The following COL4A1 variants were observed in gnomAD, a reference collection of about 807,000 sequenced individuals.
COL4A1 encodes the protein collagen type IV alpha 1 chain, also known as collagen alpha-1(IV) chain.
A neutral mutation model predicts 216.6 loss-of-function variants in COL4A1; 40 were observed. That is an observed-to-expected ratio of 0.18 (90% CI 0.14 to 0.24). The LOEUF (loss-of-function observed/expected upper bound fraction) is 0.24, where lower values mean the gene tolerates loss of function less well. Ranked by LOEUF, COL4A1 falls within the 10% of genes least tolerant of loss-of-function variation. The pLI is 1.00. For synonymous variants in COL4A1, 839 were observed against 810.7 expected (o/e 1.03, Z -0.59); for missense variants, 1,628 against 2,196.8 (o/e 0.74, Z 5.18).
intron 1 of COL4A1, among the ~76,000 whole-genome samples, chr13:110,289,225 A>T (rs772869764): frequency 6.6e-6 from 1 of 152,114 alleles, no homozygotes; most frequent in Non-Finnish European, 1.5e-5. Flanking sequence ...ACAGGGTCTG[A>T]ATGGCCCCGC....
intron 1 of COL4A1, among the ~76,000 whole-genome samples, chr13:110,267,454 G>C (rs1412184684): frequency 4.6e-5 from 7 of 152,094 alleles, no homozygotes; most frequent in Non-Finnish European, 1.0e-4. Flanking sequence ...CCTTCTGGTG[G>C]TTGTACAAGC....
intron 21 of COL4A1, among the ~76,000 whole-genome samples, chr13:110,198,079 G>C (rs964274272): frequency 2.2e-5 from 1 of 45,938 alleles, no homozygotes; most frequent in African/African-American, 1.2e-4. Context: ...TGTTTCTGGG[G>C]TGTGTGTGTG....
At position 110,307,007 on chromosome 13, in the gene COL4A1, G is replaced by C; in HGVS notation, c.21C>G (p.Val7=). MGPRLS[V]WLLLLPAALL... ...GGGCGGCGGGCAGCAGCAGCAGCCA[G>C]ACGCTGAGCCGGGGCCCCATGGTGG... The change falls in exon 1 of 52, where the codon GTC becomes GTG. Residue 7 remains valine, a synonymous_variant. Transcript: ENST00000375820. The surrounding 1 kb of genome is among the most constrained non-coding windows in gnomAD (Gnocchi z 5.0). The C allele has an allele frequency of 6.8e-7, 1 of 1,476,482 alleles. No homozygotes were observed. Among genetic ancestry groups the C allele is most frequent in the Non-Finnish European group, 8.9e-7 (1 of 1,119,424 alleles). 91.5% of individuals were successfully genotyped at this position (1,476,482 alleles called of 1,614,324 possible). A position where few individuals can be genotyped will look rare whatever the true frequency, so the allele number is the denominator to read the frequency against.
intron 1 of COL4A1, among the ~76,000 whole-genome samples, chr13:110,269,213 T>C (rs1162872637): frequency 6.6e-6 from 1 of 152,208 alleles, no homozygotes; most frequent in African/African-American, 2.4e-5. Flanking sequence ...CTGATGCCAG[T>C]AAAATAAGAC....
At chr13:110,155,160 A>C in intron 50 of COL4A1, 123 bp downstream of exon 50, 1 of 768,448 alleles carries the variant, frequency 1.3e-6, no homozygotes, top group Non-Finnish European at 2.3e-6. Flanking sequence ...GGTTGGAGGA[A>C]GAAGGAGGGG....
chr13:110,259,037 CG>C (rs1566424216), intron 1 of COL4A1, among the ~76,000 whole-genome samples: 1 of 152,236 alleles, frequency 6.6e-6, no homozygotes. Flanking sequence ...TCAGATGACA[CG>C]GGGCCGCCCG....
intron 6 of COL4A1, 128 bp downstream of exon 6, chr13:110,212,289 C>CTT: frequency 8.5e-7 from 1 of 1,174,700 alleles, no homozygotes; most frequent in East Asian, 2.3e-5. Context: ...ATAAAGCAAA[C>CTT]TTTAAGACAA....
At chr13:110,153,186 T>C (rs570034412) in intron 50 of COL4A1, among the ~76,000 whole-genome samples, 2 of 152,284 alleles carry the variant, frequency 1.3e-5, no homozygotes, top group African/African-American at 4.8e-5. Context: ...CTCTAGAATT[T>C]TGGAGACACA....
intron 1 of COL4A1, among the ~76,000 whole-genome samples, chr13:110,283,517 C>T (rs905367629): frequency 3.9e-5 from 6 of 152,218 alleles, no homozygotes; most frequent in African/African-American, 1.4e-4. Flanking sequence ...CTCACGCACA[C>T]ACACGCACAT....
Position 110,192,941 on chromosome 13 carries a change from C to T in COL4A1, c.1382-28G>A, listed in dbSNP as rs372274241. On this transcript the variant is annotated intron_variant, in intron 22 of 51. Transcript: ENST00000375820. ...AAAAAAGAAAACACAAAGGTGCTTA[C>T]GTGTAACATGTGACCAGAAGTCTCC... 4.9e-5 allele frequency: 79 copies of T among 1,602,810 alleles called. No homozygotes were observed. The Admixed American group carries it at 5.5e-4, about 11-fold the overall frequency.
At chr13:110,193,686 A>G (rs1301298029) in intron 22 of COL4A1, among the ~76,000 whole-genome samples, 1 of 152,218 alleles carries the variant, frequency 6.6e-6, no homozygotes, top group Non-Finnish European at 1.5e-5. Flanking sequence ...GGGCACTGCT[A>G]TTGCCCACTC....
In COL4A1 at chr13:110,266,659, CAAT is replaced by C. The variant is rs1228543638; in HGVS notation, c.85-23928_85-23926del. ...CTGGACATGGGATATAAAATTGCAA[CAAT>C]GTTACAATTCCTGAACTTAATAAAG... On this transcript the variant is annotated intron_variant, in intron 1 of 51. Coordinates refer to ENST00000375820, the MANE Select transcript of COL4A1 (RefSeq NM_001845.6). 4.6e-5 allele frequency among the ~76,000 whole-genome samples: 7 copies of C among 152,138 alleles called. No individual in the cohort carries two copies. In the South Asian group the frequency reaches 1.2e-3, roughly 27 times the overall value.
In COL4A1 at chr13:110,253,733, ATG is replaced by A. The variant is rs1419031191; in HGVS notation, c.85-11001_85-11000del. Among the ~76,000 whole-genome samples, 4 of 140,506 alleles carry A rather than the reference ATG, an allele frequency of 2.8e-5. No homozygotes were observed. In the East Asian group the frequency reaches 8.0e-4, roughly 28 times the overall value. 92.2% of individuals were successfully genotyped at this position (140,506 alleles called of 152,430 possible). ...ATTACATATACGTATAATTATACGT[ATG>A]TATGTATTACATATACATATAATTA... is the stretch of plus-strand genomic sequence containing the variant. On this transcript the variant is annotated intron_variant, in intron 1 of 51. Transcript: ENST00000375820.
At chr13:110,206,112 T>C (rs1879503685) in intron 15 of COL4A1, among the ~76,000 whole-genome samples, 1 of 152,250 alleles carries the variant, frequency 6.6e-6, no homozygotes, top group Admixed American at 6.5e-5. Flanking sequence ...TATGATTGTA[T>C]CTTGGTAGCA....
intron 1 of COL4A1, among the ~76,000 whole-genome samples, chr13:110,256,628 G>T (rs1233381136): frequency 1.3e-5 from 2 of 152,170 alleles, no homozygotes; most frequent in African/African-American, 4.8e-5. Flanking sequence ...GTTTAAAGAG[G>T]GTTGAAGCCC....
chr13:110,296,212 G>C (rs1008023911), intron 1 of COL4A1, among the ~76,000 whole-genome samples: 1 of 152,216 alleles, frequency 6.6e-6, no homozygotes, highest in Non-Finnish European at 1.5e-5. Flanking sequence ...CCACGGCAAC[G>C]TGCCTTGTTT....
chr13:110,195,379 T>A (rs1270794931), intron 21 of COL4A1, among the ~76,000 whole-genome samples: 2 of 152,216 alleles, frequency 1.3e-5, no homozygotes, highest in Non-Finnish European at 2.9e-5. Flanking sequence ...TGTAGGTGCA[T>A]CAGCCCTGTC....
At chr13:110,183,938 G>A (rs548842637) in intron 26 of COL4A1, among the ~76,000 whole-genome samples, 2 of 152,306 alleles carry the variant, frequency 1.3e-5, no homozygotes, top group South Asian at 2.1e-4. Flanking sequence ...AAGAATGCAC[G>A]CACTGAATCT....
intron 21 of COL4A1, among the ~76,000 whole-genome samples, chr13:110,197,155 C>T (rs1878937578): frequency 6.6e-6 from 1 of 151,982 alleles, no homozygotes; most frequent in Non-Finnish European, 1.5e-5. Flanking sequence ...CATTGGCTCC[C>T]TCACCCCCTT....
Sources: allele counts gnomAD v4.1 joint callset (sites outside exome capture counted in the v4.1 genomes callset), GRCh38; gene constraint gnomAD v4.1.1; non-coding constraint Gnocchi (gnomAD v3.1); transcripts MANE v1.5; gene names NCBI Gene and HGNC (gene_info 2026-07-23, HGNC 2026-07-21).